Variants in MED12L observed in about 807,000 individuals in gnomAD.
MED12L encodes mediator of RNA polymerase II transcription subunit 12-like protein.
In MED12L, 60 loss-of-function variants were observed where a neutral mutation model predicts 281.3. The observed-to-expected ratio is 0.21, with a 90% CI of 0.17 to 0.26. The LOEUF (loss-of-function observed/expected upper bound fraction) is 0.26. Among genes scored for constraint, MED12L ranks in the 10% least tolerant of loss-of-function variants. The pLI, the probability that MED12L is intolerant of heterozygous loss-of-function variation, is 1.00. For synonymous variants in MED12L, 974 were observed against 987.2 expected, an observed-to-expected ratio of 0.99 and a Z score of 0.25; for missense variants, 2,146 against 2,680.9, an observed-to-expected ratio of 0.80 and a Z score of 4.41.
chr3:151,292,941 G>A (rs1240147714), intron 16 of MED12L, among the ~76,000 whole-genome samples: 2 of 152,156 alleles, frequency 1.3e-5, no homozygotes, highest in Non-Finnish European at 2.9e-5. Context: ...ACAATTGGGG[G>A]CGGTGATAGC....
intron 23 of MED12L, 138 bp from the exon 24 acceptor site, chr3:151,367,508 T>C: frequency 1.5e-6 from 1 of 664,186 alleles, no homozygotes; most frequent in East Asian, 2.9e-5. Flanking sequence ...ATCATCATGA[T>C]ATGTTATCAT....
intron 16 of MED12L, chr3:151,337,859 T>G: frequency 1.9e-6 from 3 of 1,614,130 alleles, no homozygotes; most frequent in Non-Finnish European, 2.5e-6. Flanking sequence ...CATCCTGTTC[T>G]TTTTTCCTAT....
intron 2 of MED12L, among the ~76,000 whole-genome samples, chr3:151,103,730 T>G (rs556577400): frequency 1.5e-4 from 23 of 152,308 alleles, no homozygotes; most frequent in African/African-American, 5.1e-4. Flanking sequence ...GGTGGGGTGA[T>G]CTACATTTCG....
At chr3:151,113,473 C>CA (rs1200929272) in intron 2 of MED12L, among the ~76,000 whole-genome samples, 1 of 152,118 alleles carries the variant, frequency 6.6e-6, no homozygotes, top group Non-Finnish European at 1.5e-5. Flanking sequence ...GACATGGTCT[C>CA]ACTTGAGTTT....
intron 16 of MED12L, among the ~76,000 whole-genome samples, chr3:151,348,893 T>A (rs1045141763): frequency 2.6e-5 from 4 of 152,284 alleles, no homozygotes; most frequent in African/African-American, 9.6e-5. Context: ...AGTCTGAGGT[T>A]TTTGTTCTTT....
At chr3:151,113,360 T>G (rs755982267) in intron 2 of MED12L, among the ~76,000 whole-genome samples, 1 of 152,186 alleles carries the variant, frequency 6.6e-6, no homozygotes, top group Non-Finnish European at 1.5e-5. Flanking sequence ...TGGTTAGGGA[T>G]GAGACCAGAA....
At chr3:151,269,731 C>G in intron 16 of MED12L, 1 of 417,940 alleles carries the variant, frequency 2.4e-6, no homozygotes, top group Non-Finnish European at 4.6e-6. Flanking sequence ...AAATAAAGTT[C>G]TCTCCAAGGA....
chr3:151,123,020 G>C (rs1243451411), intron 4 of MED12L, 46 bp downstream of exon 4: 5 of 1,419,320 alleles, frequency 3.5e-6, no homozygotes, highest in Admixed American at 4.3e-5. Flanking sequence ...CTTATAATCA[G>C]CTGTTTGGGA....
intron 16 of MED12L, among the ~76,000 whole-genome samples, chr3:151,320,969 GGATAAATA>G (rs1748930661): frequency 6.6e-6 from 1 of 152,146 alleles, no homozygotes; most frequent in Admixed American, 6.5e-5. Flanking sequence ...AATCTATTCA[GGATAAATA>G]TATACAGTGT....
intron 16 of MED12L, among the ~76,000 whole-genome samples, chr3:151,258,473 C>G (rs1033383623): frequency 6.6e-6 from 1 of 152,124 alleles, no homozygotes; most frequent in Admixed American, 6.5e-5. Flanking sequence ...GGGTTAAATT[C>G]CAGGGTATCC....
chr3:151,306,146 G>C (rs115705544), intron 16 of MED12L, among the ~76,000 whole-genome samples: 3,908 of 152,220 alleles, frequency 0.026, 179 homozygotes, highest in African/African-American at 0.089. Context: ...ATCCCCAATT[G>C]TTCTACTTTG....
Position 151,413,236 on chromosome 3 carries a change from C to T in MED12L, c.6238C>T (p.Pro2080Ser). The part of the protein sequence containing the change: ...AHPNLPSVPL[P>S]QDPMRPRQPQ... ...TCCAAACCTTCCCTCCGTGCCCCTG[C>T]CTCAGGATCCCATGAGACCCAGACA... The change falls in exon 42 of 45, where the codon CCT (proline) becomes TCT (serine). Residue 2080 changes from proline (P) to serine (S), a missense_variant. Around this residue, in one of 9 missense-constraint regions of MED12L, gnomAD observed 496 missense variants for 512.0 expected, o/e 0.97. Transcript: ENST00000687756. 3 of 1,614,206 alleles carry T rather than the reference C, an allele frequency of 1.9e-6. No individual in the cohort carries two copies. The highest frequency in any genetic ancestry group is 2.5e-6 in the Non-Finnish European group (3 of 1,180,034).
chr3:151,294,017 G>T, intron 16 of MED12L: 1 of 633,606 alleles, frequency 1.6e-6, no homozygotes, highest in Non-Finnish European at 2.8e-6. Context: ...TCTTTGCTAT[G>T]CTTTAATGTT....
At chr3:151,124,833 A>G (rs567533210) in intron 4 of MED12L, among the ~76,000 whole-genome samples, 1 of 152,356 alleles carries the variant, frequency 6.6e-6, no homozygotes, top group Middle Eastern at 3.4e-3. Context: ...TCTGGCATCT[A>G]GGGATATTCT....
chr3:151,174,772 C>T (rs538514900), intron 11 of MED12L, among the ~76,000 whole-genome samples: 4 of 152,124 alleles, frequency 2.6e-5, no homozygotes, highest in South Asian at 2.1e-4. Context: ...GGCTGGAGTG[C>T]GGTGGTGCGA....
intron 16 of MED12L, among the ~76,000 whole-genome samples, chr3:151,238,770 T>C (rs373340518): frequency 1.3e-5 from 2 of 152,238 alleles, no homozygotes; most frequent in East Asian, 3.8e-4. Context: ...CATAAAAATA[T>C]CTTTTTAATA....
At chr3:151,307,288 A>C (rs1470107211) in intron 16 of MED12L, among the ~76,000 whole-genome samples, 5 of 152,180 alleles carry the variant, frequency 3.3e-5, no homozygotes, top group African/African-American at 9.7e-5. Flanking sequence ...ACTGGTTATG[A>C]GTTACCTCTT....
At chr3:151,421,678 G>T (rs924613349) in intron 43 of MED12L, among the ~76,000 whole-genome samples, 6 of 151,936 alleles carry the variant, frequency 3.9e-5, no homozygotes, top group Non-Finnish European at 7.4e-5. Context: ...CAAAGTGCTG[G>T]GATTATAGGC....
At chr3:151,179,839 A>G (rs1722505606) in intron 11 of MED12L, among the ~76,000 whole-genome samples, 1 of 152,248 alleles carries the variant, frequency 6.6e-6, no homozygotes, top group South Asian at 2.1e-4. Context: ...TCATAGTTCC[A>G]TTGCTGAAGA....
Sources: allele counts gnomAD v4.1 joint callset (sites outside exome capture counted in the v4.1 genomes callset), GRCh38; gene constraint gnomAD v4.1.1; regional missense constraint gnomAD v4.1.1; transcripts MANE v1.5; gene names NCBI Gene and HGNC (gene_info 2026-07-23, HGNC 2026-07-21).